The following CLTC variants were observed in gnomAD, a reference collection of about 807,000 sequenced individuals.
CLTC encodes clathrin heavy chain.
A neutral mutation model predicts 195.8 loss-of-function variants in CLTC; 16 were observed. That is an observed-to-expected ratio of 0.08 (90% CI 0.06 to 0.12). The LOEUF (loss-of-function observed/expected upper bound fraction) is 0.12. Ranked by LOEUF, CLTC falls within the 10% of genes least tolerant of loss-of-function variation. The pLI, the probability that CLTC is intolerant of heterozygous loss-of-function variation, is 1.00. For missense variants in CLTC, 796 were observed against 2,027.0 expected, an observed-to-expected ratio of 0.39 and a Z score of 11.66; for synonymous variants, 667 against 689.4, an observed-to-expected ratio of 0.97 and a Z score of 0.51.
At chr17:59,644,947 C>A (rs956131966) in intron 2 of CLTC, among the ~76,000 whole-genome samples, 1 of 152,140 alleles carries the variant, frequency 6.6e-6, no homozygotes, top group African/African-American at 2.4e-5. Flanking sequence ...CTGCTAATAC[C>A]GAACTTGATT....
Position 59,667,346 on chromosome 17 carries a change from T to A in CLTC, c.2128+369T>A, listed in dbSNP as rs576631547. Among the ~76,000 whole-genome samples the A allele has an allele frequency of 2.0e-5, 3 of 152,292 alleles. No homozygotes were observed. The South Asian group carries it at 6.2e-4, about 32-fold the overall frequency. ...CCAACATAACGCTCAAAGGAAATGC[T>A]TGTTGGAGCATTTCAGAAATCGGAT... On this transcript the variant is annotated intron_variant, in intron 13 of 31. Transcript: ENST00000269122.
intron 1 of CLTC, among the ~76,000 whole-genome samples, chr17:59,626,832 C>T (rs2031567677): frequency 6.6e-6 from 1 of 152,134 alleles, no homozygotes; most frequent in Non-Finnish European, 1.5e-5. Context: ...ATCTGTCAGA[C>T]TTTTGTGAGT....
chr17:59,677,133 C>T lies in CLTC; in HGVS notation c.2741C>T (p.Pro914Leu). Reference protein sequence around the residue: ...VVGKYCEKRDPHLACVAYERG... With the variant: ...VVGKYCEKRDLHLACVAYERG... ...GGAAAGTATTGTGAGAAGAGAGATCCACATCTGGCCTGTGTTGCTTATGAA... is the reference window on the plus strand; with the variant it reads ...GGAAAGTATTGTGAGAAGAGAGATCTACATCTGGCCTGTGTTGCTTATGAA... Residue 914 changes from proline (P) to leucine (L), a missense_variant, in exon 17 of 32, where the codon CCA (proline) becomes CTA (leucine). This residue lies in a region of CLTC where 160 missense variants were observed against 448.2 expected (regional missense o/e 0.36). Transcript: ENST00000269122. The T allele has an allele frequency of 6.2e-7, 1 of 1,613,932 alleles. No individual in the cohort carries two copies. Among genetic ancestry groups the T allele is most frequent in the Non-Finnish European group, 8.5e-7 (1 of 1,179,938 alleles).
chr17:59,644,153 AATGT>A (rs1567940063), intron 1 of CLTC, 119 bp from the exon 2 acceptor site: 2 of 705,892 alleles, frequency 2.8e-6, no homozygotes, highest in East Asian at 5.4e-5. Flanking sequence ...TAATTAACAT[AATGT>A]AGATGTTATT....
At chr17:59,671,521 TCTC>T (rs894408242) in intron 14 of CLTC, among the ~76,000 whole-genome samples, 7 of 152,138 alleles carry the variant, frequency 4.6e-5, no homozygotes, top group African/African-American at 7.2e-5. Flanking sequence ...GAACATAACT[TCTC>T]CTTTAAGGTA....
rs554351162 is a variant in CLTC at position 59,636,888 on chromosome 17, G to A, written c.43-7388G>A. On this transcript the variant is annotated intron_variant, in intron 1 of 31. Transcript: ENST00000269122. Reference sequence around the variant, plus strand: ...AGCGATTCTCCTGCCTCAGTCTCCCGAGTAGCTGGGATTACAGGTGCCCAC... The same window carrying A: ...AGCGATTCTCCTGCCTCAGTCTCCCAAGTAGCTGGGATTACAGGTGCCCAC... Among the ~76,000 whole-genome samples the A allele has an allele frequency of 4.7e-5, 7 of 150,476 alleles. No individual in the cohort carries two copies. In the East Asian group the frequency reaches 9.8e-4, roughly 21 times the overall value.
chr17:59,661,417 G>A (rs371681545), intron 7 of CLTC, 26 bp from the exon 8 acceptor site: 4 of 1,580,836 alleles, frequency 2.5e-6, no homozygotes, highest in South Asian at 2.2e-5. Flanking sequence ...CTTTCGAAGA[G>A]CGTTTAACAT....
chr17:59,651,170 G>C, intron 4 of CLTC, 33 bp from the exon 5 acceptor site: 1 of 1,333,616 alleles, frequency 7.5e-7, no homozygotes, highest in Non-Finnish European at 1.1e-6. Flanking sequence ...CTAATGTATA[G>C]GTTTATATAC....
In CLTC at chr17:59,623,565, C is replaced by T. The variant is rs150867360; in HGVS notation, c.42+3392C>T. On this transcript the variant is annotated intron_variant, in intron 1 of 31. Coordinates refer to ENST00000269122, the MANE Select transcript of CLTC (RefSeq NM_004859.4). ...CATTTCAGGAACCATGGTAGTTGCT[C>T]TTGAACAATTGTTTCTGACCATAAT... Among the ~76,000 whole-genome samples, 4 of 152,322 alleles carry T rather than the reference C, an allele frequency of 2.6e-5. No homozygotes were observed. The East Asian group carries it at 7.7e-4, about 29-fold the overall frequency.
At position 59,681,199 on chromosome 17, in the gene CLTC, CTT is replaced by C; in HGVS notation, c.3066-95_3066-94del. The C allele has an allele frequency of 4.1e-6, 6 of 1,463,462 alleles. No individual in the cohort carries two copies. Among genetic ancestry groups the C allele is most frequent in the Non-Finnish European group, 5.6e-6 (6 of 1,078,608 alleles). The allele number at this position is 1,463,462 out of a possible 1,614,324, so 90.7% of individuals were successfully genotyped here. ...TAATATCCTCCCCCCTACCCTACCT[CTT>C]GAGACAAAAACCTCTCCGTTAGTCA... On this transcript the variant is annotated intron_variant, in intron 19 of 31. Coordinates refer to ENST00000269122, the MANE Select transcript of CLTC (RefSeq NM_004859.4). This position sits in a 1 kb window ranked among gnomAD's most constrained non-coding sequence, Gnocchi z 5.0.
chr17:59,690,834 C>T lies in CLTC; in HGVS notation c.4903+123C>T, dbSNP rs2033279941. On this transcript the variant is annotated intron_variant, in intron 31 of 31. Coordinates refer to ENST00000269122, the MANE Select transcript of CLTC (RefSeq NM_004859.4). ...AAAAGGCTTTCTAAGAAATACTGCT[C>T]TCTACTGTCTGATTTTTTTTCTGAG... is the stretch of plus-strand genomic sequence containing the variant. 5.1e-6 allele frequency: 3 copies of T among 592,872 alleles called. No individual in the cohort carries two copies. In the South Asian group the frequency reaches 7.8e-5, roughly 15 times the overall value. The allele number at this position is 592,872 out of a possible 1,614,324, so 36.7% of individuals were successfully genotyped here.
intron 2 of CLTC, chr17:59,646,004 CT>C: frequency 1.2e-6 from 1 of 824,220 alleles, no homozygotes; most frequent in Non-Finnish European, 1.5e-6. Context: ...TTAATGCTTT[CT>C]TATGTGTGCA....
chr17:59,633,736 C>T (rs1159532829), intron 1 of CLTC, among the ~76,000 whole-genome samples: 1 of 152,086 alleles, frequency 6.6e-6, no homozygotes, highest in Non-Finnish European at 1.5e-5. Flanking sequence ...CTTAAATGTA[C>T]ATTTTGTGAA....
At chr17:59,688,806 T>C (rs2033237106) in intron 30 of CLTC, among the ~76,000 whole-genome samples, 1 of 152,198 alleles carries the variant, frequency 6.6e-6, no homozygotes, top group Admixed American at 6.5e-5. Context: ...TCCCTGGAAG[T>C]CCGGAAATGT....
At chr17:59,637,428 T>A (rs2031897922) in intron 1 of CLTC, among the ~76,000 whole-genome samples, 1 of 150,978 alleles carries the variant, frequency 6.6e-6, no homozygotes, top group South Asian at 2.1e-4. Flanking sequence ...GTATTTTTAG[T>A]AGAGACGGGG....
At chr17:59,644,626 C>G in intron 2 of CLTC, 143 bp downstream of exon 2, 1 of 647,640 alleles carries the variant, frequency 1.5e-6, no homozygotes, top group Non-Finnish European at 2.6e-6. Context: ...TCTTGGCTCA[C>G]TGCAATCTCC....
At chr17:59,656,136 C>T in intron 6 of CLTC, 109 bp downstream of exon 6, 1 of 952,070 alleles carries the variant, frequency 1.1e-6, no homozygotes. Flanking sequence ...AGAAAATAAA[C>T]ATATTACTGT....
chr17:59,636,295 A>C (rs1455289759), intron 1 of CLTC, among the ~76,000 whole-genome samples: 4 of 152,258 alleles, frequency 2.6e-5, no homozygotes, highest in Non-Finnish European at 5.9e-5. Flanking sequence ...CTCCCTCTCA[A>C]GTAAGGATGG....
chr17:59,669,306 T>C (rs2032795651), intron 14 of CLTC, among the ~76,000 whole-genome samples: 1 of 152,232 alleles, frequency 6.6e-6, no homozygotes, highest in South Asian at 2.1e-4. Context: ...CATACCATTT[T>C]GAGGAGCCTC....
Sources: allele counts gnomAD v4.1 joint callset (sites outside exome capture counted in the v4.1 genomes callset), GRCh38; gene constraint gnomAD v4.1.1; regional missense constraint gnomAD v4.1.1; non-coding constraint Gnocchi (gnomAD v3.1); transcripts MANE v1.5; gene names NCBI Gene and HGNC (gene_info 2026-07-23, HGNC 2026-07-21).